EMC2: variants seen among roughly 807,000 people sequenced by gnomAD.
EMC2 encodes the protein TPR repeat protein 35.
In EMC2, 37 loss-of-function variants were observed where a neutral mutation model predicts 51.6. That is an observed-to-expected ratio of 0.72 (90% confidence interval 0.55 to 0.94). The LOEUF (loss-of-function observed/expected upper bound fraction) is 0.94. EMC2 is among the 40% of genes least tolerant of loss of function. The pLI is 0.00. For missense variants in EMC2, 359 were observed against 350.9 expected (o/e 1.02, Z -0.18); for synonymous variants, 131 against 112.4 (o/e 1.17, Z -1.04).
intron 5 of EMC2, among the ~76,000 whole-genome samples, chr8:108,461,436 A>T (rs987727056): frequency 2.6e-5 from 4 of 152,162 alleles, no homozygotes; most frequent in Non-Finnish European, 5.9e-5. Context: ...TAGACTTTGA[A>T]ACTGATTTAT....
Position 108,479,088 on chromosome 8 carries a change from G to A in EMC2, c.785G>A (p.Ser262Asn). The A allele has an allele frequency of 6.3e-7, 1 of 1,577,586 alleles. No homozygotes were observed. The highest frequency in any genetic ancestry group is 8.6e-7 in the Non-Finnish European group (1 of 1,160,740). ...DNMKYASWAA[S>N]QINRAYQFAG... ...ATGAAATATGCTAGTTGGGCAGCTA[G>A]TCAAATAAACAGAGCTTATCAGGTT... Residue 262 changes from serine to asparagine, a missense_variant, in exon 10 of 11, where the codon AGT becomes AAT. By Grantham distance (46) the Ser-to-Asn change is conservative (BLOSUM62 1). Coordinates refer to ENST00000220853, the MANE Select transcript of EMC2 (RefSeq NM_014673.5).
intron 1 of EMC2, among the ~76,000 whole-genome samples, chr8:108,445,135 A>T (rs1312904337): frequency 1.3e-5 from 2 of 152,214 alleles, no homozygotes; most frequent in African/African-American, 2.4e-5. Flanking sequence ...ATTGGACCTT[A>T]CCCTGTGGTC....
At position 108,444,432 on chromosome 8, in the gene EMC2, C is replaced by T. The variant is rs544370256; in HGVS notation, c.40+734C>T. 2.0e-5 allele frequency among the ~76,000 whole-genome samples: 3 copies of T among 152,192 alleles called. No individual in the cohort carries two copies. The East Asian group carries it at 5.8e-4, about 29-fold the overall frequency. On this transcript the variant is annotated intron_variant, in intron 1 of 10. Transcript: ENST00000220853. Reference sequence around the variant, plus strand: ...TATGTTCTTTAAATCTGGGAACAGCCAAACCTTGGATCAATTCTGTGTGCT... The same window carrying T: ...TATGTTCTTTAAATCTGGGAACAGCTAAACCTTGGATCAATTCTGTGTGCT...
In EMC2 at chr8:108,487,120, T is replaced by A. The variant is rs1246323521; in HGVS notation, c.*522T>A. Reference sequence around the variant, plus strand: ...GCTATTTGAATTGTTTTATCTGCTGTAATATCCTTCTGATGAATCTTGCTT... The same window carrying A: ...GCTATTTGAATTGTTTTATCTGCTGAAATATCCTTCTGATGAATCTTGCTT... On this transcript the variant is annotated 3_prime_UTR_variant, in exon 11 of 11. Transcript: ENST00000220853. Among the ~76,000 whole-genome samples, 1 of 152,126 alleles carries A rather than the reference T, an allele frequency of 6.6e-6. No homozygotes were observed. Among genetic ancestry groups the A allele is most frequent in the African/African-American group, 2.4e-5 (1 of 41,460 alleles).
chr8:108,473,089 A>G (rs1453232023), intron 7 of EMC2, among the ~76,000 whole-genome samples: 1 of 152,092 alleles, frequency 6.6e-6, no homozygotes, highest in Admixed American at 6.6e-5. Context: ...ATAGAGAGAA[A>G]AAGGGATATA....
chr8:108,443,748 C>T (rs1158155642), intron 1 of EMC2, 50 bp downstream of exon 1: 1 of 1,517,426 alleles, frequency 6.6e-7, no homozygotes, highest in Non-Finnish European at 9.0e-7. Flanking sequence ...GCTGGGAAGC[C>T]GTTCGGGAGT....
intron 10 of EMC2, 57 bp from the exon 11 acceptor site, chr8:108,486,455 T>G: frequency 6.7e-7 from 1 of 1,483,110 alleles, no homozygotes; most frequent in Non-Finnish European, 8.9e-7. Flanking sequence ...GATTGTCATT[T>G]TTAACCTGCC....
intron 9 of EMC2, 21 bp from the exon 10 acceptor site, chr8:108,478,985 G>A (rs1810997992): frequency 2.0e-6 from 3 of 1,467,974 alleles, no homozygotes; most frequent in Non-Finnish European, 2.8e-6. Context: ...TTTTGCTTTT[G>A]ATGTTTTTAT....
chr8:108,463,252 G>T (rs948305410), intron 5 of EMC2, among the ~76,000 whole-genome samples: 1 of 152,320 alleles, frequency 6.6e-6, no homozygotes, highest in Admixed American at 6.5e-5. Flanking sequence ...ATATTTTGAA[G>T]GAGATGAGAA....
At chr8:108,451,520 T>C (rs1016430676) in intron 3 of EMC2, among the ~76,000 whole-genome samples, 1 of 152,082 alleles carries the variant, frequency 6.6e-6, no homozygotes, top group African/African-American at 2.4e-5. Context: ...CTGAAAAAAA[T>C]TCACATCTGA....
rs190065881 is a variant in EMC2 at position 108,463,317 on chromosome 8, C to T, written c.364-6509C>T. Among the ~76,000 whole-genome samples, 16 of 152,178 alleles carry T rather than the reference C, an allele frequency of 1.1e-4. No individual in the cohort carries two copies. The East Asian group carries it at 2.3e-3, about 22-fold the overall frequency. On this transcript the variant is annotated intron_variant, in intron 5 of 10. Transcript: ENST00000220853. ...AGATTATGGGAATCTAAAACTAAGA[C>T]AGGTGGAATTGGAGGGGACTGGGCT... is the stretch of plus-strand genomic sequence containing the variant.
rs1818979869 is a variant in EMC2 at position 108,450,065 on chromosome 8, A to G, written c.154+129A>G. ...ATTTTCTTTGTGACTTTTTGTCCCA[A>G]GAATTTTAATGATAGTTTATTTTGA... On this transcript the variant is annotated intron_variant, in intron 2 of 10. Transcript: ENST00000220853. 7.5e-6 allele frequency: 4 copies of G among 535,518 alleles called. No individual in the cohort carries two copies. In the South Asian group the frequency reaches 1.1e-4, roughly 15 times the overall value. 33.2% of individuals were successfully genotyped at this position (535,518 alleles called of 1,614,324 possible).
chr8:108,471,349 C>G (rs1810852548), intron 7 of EMC2, among the ~76,000 whole-genome samples: 2 of 151,496 alleles, frequency 1.3e-5, no homozygotes, highest in African/African-American at 4.8e-5. Flanking sequence ...ATTTTTTGTA[C>G]TTTCTAAAGA....
chr8:108,486,599 G>T lies in EMC2; in HGVS notation c.*1G>T, dbSNP rs757682785. 1.9e-6 allele frequency: 3 copies of T among 1,592,600 alleles called. No homozygotes were observed. The South Asian group carries it at 3.5e-5, about 18-fold the overall frequency. On this transcript the variant is annotated 3_prime_UTR_variant, in exon 11 of 11. Coordinates refer to ENST00000220853, the MANE Select transcript of EMC2 (RefSeq NM_014673.5). Reference sequence around the variant, plus strand: ...AACATTGCAGATCACCCAGTCTTAAGGTTTCAAAAACTCTTTGACATTAGA... The same window carrying T: ...AACATTGCAGATCACCCAGTCTTAATGTTTCAAAAACTCTTTGACATTAGA...
intron 1 of EMC2, among the ~76,000 whole-genome samples, chr8:108,446,858 G>T (rs556101258): frequency 6.6e-6 from 1 of 152,132 alleles, no homozygotes; most frequent in Non-Finnish European, 1.5e-5. Context: ...GTGTGGCAGG[G>T]TCAGCTATGT....
chr8:108,462,220 CGT>C (rs370802068), intron 5 of EMC2, among the ~76,000 whole-genome samples: 4 of 99,366 alleles, frequency 4.0e-5, no homozygotes, highest in Non-Finnish European at 7.7e-5. Flanking sequence ...GTTTTGTGTG[CGT>C]GTGTGTGTAT....
At chr8:108,465,579 G>A (rs1819446755) in intron 5 of EMC2, among the ~76,000 whole-genome samples, 1 of 152,144 alleles carries the variant, frequency 6.6e-6, no homozygotes, top group African/African-American at 2.4e-5. Flanking sequence ...ATTGTTTGTG[G>A]TTCGTGGTAT....
chr8:108,482,735 C>T (rs1442870189), intron 10 of EMC2, among the ~76,000 whole-genome samples: 1 of 151,994 alleles, frequency 6.6e-6, no homozygotes, highest in Non-Finnish European at 1.5e-5. Flanking sequence ...AGACGCATGT[C>T]ACCGTGCTCG....
chr8:108,462,070 G>A (rs1246076061), intron 5 of EMC2, among the ~76,000 whole-genome samples: 1 of 152,190 alleles, frequency 6.6e-6, no homozygotes, highest in African/African-American at 2.4e-5. Flanking sequence ...GCCTCTCAAA[G>A]TGCTGGGATT....
Sources: allele counts gnomAD v4.1 joint callset (sites outside exome capture counted in the v4.1 genomes callset), GRCh38; gene constraint gnomAD v4.1.1; transcripts MANE v1.5; gene names NCBI Gene and HGNC (gene_info 2026-07-23, HGNC 2026-07-21).